LIMS2: variants seen among roughly 807,000 people sequenced by gnomAD.
LIMS2 encodes LIM zinc finger domain containing 2.
A neutral mutation model predicts 45.3 loss-of-function variants in LIMS2; 30 were observed. The observed-to-expected ratio is 0.66, with a 90% confidence interval of 0.50 to 0.90. The LOEUF is 0.90. Among genes scored for constraint, LIMS2 ranks in the 40% least tolerant of loss-of-function variants. The pLI is 0.00. For missense variants in LIMS2, 485 were observed against 468.7 expected (o/e 1.03, Z -0.32); for synonymous variants, 173 against 188.0 (o/e 0.92, Z 0.65).
rs1684882890 is a variant in LIMS2 at position 127,664,413 on chromosome 2, C to A, written c.12-6851G>T. On this transcript the variant is annotated intron_variant, in intron 1 of 9. Transcript: ENST00000355119. The surrounding 1 kb of genome is among the most constrained non-coding windows in gnomAD (Gnocchi z 5.5). ...TGGCGCGGGGCAGCCGCCTTGAGGTCGCGGGCGCGGGCCGCCTGGTGCAGG... is the reference window on the plus strand; with the variant it reads ...TGGCGCGGGGCAGCCGCCTTGAGGTAGCGGGCGCGGGCCGCCTGGTGCAGG... 1 of 1,194,756 alleles carries A rather than the reference C, an allele frequency of 8.4e-7. No individual in the cohort carries two copies. Among genetic ancestry groups the A allele is most frequent in the South Asian group, 4.2e-5 (1 of 23,752 alleles). 74.0% of individuals were successfully genotyped at this position (1,194,756 alleles called of 1,614,324 possible). A position where few individuals can be genotyped will look rare whatever the true frequency, so the allele number is the denominator to read the frequency against.
chr2:127,654,503 T>C lies in LIMS2; in HGVS notation c.280A>G (p.Asn94Asp). ...CAGCGGAAGCAGCCCGGGTGCCAGT[T>C]GTTGTTCATGGCCTTGATGACGCGG... ...IGRVIKAMNN[N>D]WHPGCFRCEL... Residue 94 changes from asparagine (N) to aspartate (D), a missense_variant, in exon 4 of 10, where the codon AAC (asparagine) becomes GAC (aspartate). By Grantham distance (23) the Asn-to-Asp change is conservative. Coordinates refer to ENST00000355119, the MANE Select transcript of LIMS2 (RefSeq NM_001161403.3). The C allele has an allele frequency of 1.2e-6, 2 of 1,614,152 alleles. No individual in the cohort carries two copies. Among genetic ancestry groups the C allele is most frequent in the Non-Finnish European group, 1.7e-6 (2 of 1,179,992 alleles).
rs1254632169 is a variant in LIMS2 at position 127,653,276 on chromosome 2, A to T, written c.359+1148T>A. 1.3e-5 allele frequency among the ~76,000 whole-genome samples: 2 copies of T among 152,078 alleles called. No individual in the cohort carries two copies. The highest frequency in any genetic ancestry group is 4.8e-5 in the African/African-American group (2 of 41,412). On this transcript the variant is annotated intron_variant, in intron 4 of 9. Coordinates refer to ENST00000355119, the MANE Select transcript of LIMS2 (RefSeq NM_001161403.3). This position sits in a 1 kb window ranked among gnomAD's most constrained non-coding sequence, Gnocchi z 5.3. ...ACAGAGAGAGTGTGGCAGGGGAAGC[A>T]TGGCTGGGGCCTCTGGGGGTCGGCG...
intron 4 of LIMS2, chr2:127,650,364 G>A: frequency 3.7e-6 from 2 of 536,002 alleles, no homozygotes; most frequent in Middle Eastern, 4.9e-4. Context: ...AGGCAGAACA[G>A]AAAACCCAGA....
chr2:127,661,958 T>C (rs956633113), intron 1 of LIMS2, among the ~76,000 whole-genome samples: 2 of 152,124 alleles, frequency 1.3e-5, no homozygotes, highest in African/African-American at 2.4e-5. Flanking sequence ...CCTTCCTCCA[T>C]CCCAGCCTTC....
chr2:127,666,011 G>C (rs1385583371), intron 1 of LIMS2, among the ~76,000 whole-genome samples: 1 of 152,208 alleles, frequency 6.6e-6, no homozygotes, highest in African/African-American at 2.4e-5. Context: ...GAGGCTTAGA[G>C]TCTGATTGAG....
chr2:127,647,922 G>T lies in LIMS2; in HGVS notation c.360-4850C>A. 1.4e-6 allele frequency: 1 copy of T among 729,410 alleles called. No individual in the cohort carries two copies. The highest frequency in any genetic ancestry group is 1.7e-6 in the Non-Finnish European group (1 of 595,492). 45.2% of individuals were successfully genotyped at this position (729,410 alleles called of 1,614,324 possible). On this transcript the variant is annotated intron_variant, in intron 4 of 9. Transcript: ENST00000355119. This position sits in a 1 kb window ranked among gnomAD's most constrained non-coding sequence, Gnocchi z 4.3. The stretch of plus-strand genomic sequence containing the variant: ...TGTTCTCCCCTGCCTCACAGGCCCT[G>T]TCAAGGGCTGTGTTCCTCCCTCCTT...
At chr2:127,670,312 T>G (rs1264492536) in intron 1 of LIMS2, among the ~76,000 whole-genome samples, 1 of 152,222 alleles carries the variant, frequency 6.6e-6, no homozygotes, top group East Asian at 1.9e-4. Flanking sequence ...GAAGTACTGA[T>G]TCATGCTACA....
intron 4 of LIMS2, chr2:127,651,528 C>T: frequency 6.2e-7 from 1 of 1,612,658 alleles, no homozygotes; most frequent in East Asian, 2.2e-5. Context: ...CTACCGCAGC[C>T]ATGGGGCCTC....
chr2:127,648,760 A>C (rs971327700), intron 4 of LIMS2, among the ~76,000 whole-genome samples: 15 of 151,622 alleles, frequency 9.9e-5, no homozygotes, highest in Admixed American at 1.3e-4. Context: ...TCTCTACCAA[A>C]AAATACAAAA....
At chr2:127,651,389 C>G in intron 4 of LIMS2, 1 of 1,612,820 alleles carries the variant, frequency 6.2e-7, no homozygotes. Context: ...TCATCCGCAG[C>G]CTGCGGCAGG....
At chr2:127,651,257 G>C (rs777634180) in intron 4 of LIMS2, 4 of 1,606,610 alleles carry the variant, frequency 2.5e-6, no homozygotes, top group Non-Finnish European at 2.5e-6. Context: ...AGACCGTGCA[G>C]ACCAACCACA....
At position 127,639,192 on chromosome 2, in the gene LIMS2, G is replaced by A. The variant is rs1353962791; in HGVS notation, c.*89C>T. 2.0e-5 allele frequency: 28 copies of A among 1,386,586 alleles called. No individual in the cohort carries two copies. Among genetic ancestry groups the A allele is most frequent in the Non-Finnish European group, 2.7e-5 (27 of 999,378 alleles). 85.9% of individuals were successfully genotyped at this position (1,386,586 alleles called of 1,614,324 possible). On this transcript the variant is annotated 3_prime_UTR_variant, in exon 10 of 10. Coordinates refer to ENST00000355119, the MANE Select transcript of LIMS2 (RefSeq NM_001161403.3). The stretch of plus-strand genomic sequence containing the variant: ...AGAAAGGGAGGGTAAGATGCGGAGG[G>A]CACAGGTGGATGGGGACGAGGGGGC...
At chr2:127,644,259 G>A (rs1001626774) in intron 4 of LIMS2, 1 of 362,654 alleles carries the variant, frequency 2.8e-6, no homozygotes, top group Non-Finnish European at 5.6e-6. Flanking sequence ...ACAGCTCAGG[G>A]TCAGCTGACC....
chr2:127,668,277 T>G (rs892254830), intron 1 of LIMS2, among the ~76,000 whole-genome samples: 2 of 152,080 alleles, frequency 1.3e-5, no homozygotes. Flanking sequence ...CAATACAATC[T>G]CCATTAAAAT....
intron 4 of LIMS2, chr2:127,650,760 C>A (rs1346196975): frequency 6.2e-7 from 1 of 1,613,756 alleles, no homozygotes; most frequent in Non-Finnish European, 8.5e-7. Context: ...AGTGGCTCCC[C>A]CAGGTCTGAT....
Position 127,674,994 on chromosome 2 carries a change from G to A in LIMS2, c.11+20C>T. Reference sequence around the variant, plus strand: ...GCAGTCCCGCCTCCCCGGCCCGGGGGCGTGGGTGGGGGCCGTTACCTTCCC... The same window carrying A: ...GCAGTCCCGCCTCCCCGGCCCGGGGACGTGGGTGGGGGCCGTTACCTTCCC... On this transcript the variant is annotated intron_variant, in intron 1 of 9. Transcript: ENST00000355119. 2 of 1,229,444 alleles carry A rather than the reference G, an allele frequency of 1.6e-6. No homozygotes were observed. Among genetic ancestry groups the A allele is most frequent in the East Asian group, 6.4e-5 (2 of 31,432 alleles). 76.2% of individuals were successfully genotyped at this position (1,229,444 alleles called of 1,614,324 possible). A position where few individuals can be genotyped will look rare whatever the true frequency, so the allele number is the denominator to read the frequency against.
intron 4 of LIMS2, chr2:127,650,100 A>G (rs376907036): frequency 6.3e-6 from 10 of 1,587,934 alleles, no homozygotes; most frequent in Non-Finnish European, 6.0e-6. Flanking sequence ...TAGACCTCTG[A>G]CGTCCCAGGG....
At chr2:127,644,060 C>A (rs1482201610) in intron 4 of LIMS2, 1 of 456,422 alleles carries the variant, frequency 2.2e-6, no homozygotes. Context: ...CCTCCCTGGA[C>A]CCCAGGACCT....
Position 127,653,251 on chromosome 2 carries a change from A to G in LIMS2, c.359+1173T>C, listed in dbSNP as rs923989952. Among the ~76,000 whole-genome samples the G allele has an allele frequency of 6.6e-6, 1 of 152,088 alleles. No homozygotes were observed. The highest frequency in any genetic ancestry group is 1.5e-5 in the Non-Finnish European group (1 of 68,008). ...CTGCGGGAGGGAGCAGAGTGCCCGG[A>G]CAGAGAGAGTGTGGCAGGGGAAGCA... On this transcript the variant is annotated intron_variant, in intron 4 of 9. Coordinates refer to ENST00000355119, the MANE Select transcript of LIMS2 (RefSeq NM_001161403.3). This position sits in a 1 kb window ranked among gnomAD's most constrained non-coding sequence, Gnocchi z 5.3.
Sources: allele counts gnomAD v4.1 joint callset (sites outside exome capture counted in the v4.1 genomes callset), GRCh38; gene constraint gnomAD v4.1.1; non-coding constraint Gnocchi (gnomAD v3.1); transcripts MANE v1.5; gene names NCBI Gene and HGNC (gene_info 2026-07-23, HGNC 2026-07-21).